The following LBX2 variants were observed in gnomAD, a reference collection of about 807,000 sequenced individuals.
LBX2 encodes the protein transcription factor LBX2.
In LBX2, 6 loss-of-function variants were observed where a neutral mutation model predicts 7.5. The observed-to-expected ratio is 0.80, with a 90% CI of 0.44 to 1.59. The LOEUF is 1.59. LBX2 is among the 40% of genes most tolerant of loss of function. The probability of loss-of-function intolerance (pLI) is 0.01; values close to 1 mark genes in which losing one functional copy is unlikely to be tolerated. For missense variants in LBX2, 281 were observed against 282.0 expected, an observed-to-expected ratio of 1.00 and a Z score of 0.03; for synonymous variants, 143 against 133.2, an observed-to-expected ratio of 1.07 and a Z score of -0.51.
In LBX2 at chr2:74,498,300, GCGTCCGGACCTGCC is replaced by G. The variant is rs774409382; in HGVS notation, c.210_223del (p.Asp74TrpfsTer106). On this transcript the variant is annotated frameshift_variant, in exon 2 of 2. Coordinates refer to ENST00000377566, the MANE Select transcript of LBX2 (RefSeq NM_001282430.2). LOFTEE classifies it low-confidence loss of function (END_TRUNC). ...GCGGCCGAAGGGACCAGGGCCCAGC[GCGTCCGGACCTGCC>G]CGCCCTGTAGGGATAGGGAGGGGGT... is the stretch of plus-strand genomic sequence containing the variant. The G allele has an allele frequency of 1.9e-6, 3 of 1,554,428 alleles. No homozygotes were observed. In the African/African-American group the frequency reaches 4.0e-5, roughly 21 times the overall value.
rs1163912738 is a variant in LBX2 at position 74,497,582 on chromosome 2, C to CCT, written c.*343_*344dup. On this transcript the variant is annotated 3_prime_UTR_variant, in exon 2 of 2. Coordinates refer to ENST00000377566, the MANE Select transcript of LBX2 (RefSeq NM_001282430.2). ...TAGCCTGGACAACATAGCGGGACCT[C>CCT]CTCTCTAAAAAAAAAAGTTTTTTAA... The CCT allele has an allele frequency of 4.7e-6, 1 of 213,212 alleles. No individual in the cohort carries two copies. The highest frequency in any genetic ancestry group is 2.3e-5 in the African/African-American group (1 of 43,494). 13.2% of individuals were successfully genotyped at this position (213,212 alleles called of 1,614,324 possible). A position where few individuals can be genotyped will look rare whatever the true frequency, so the allele number is the denominator to read the frequency against.
At position 74,499,109 on chromosome 2, in the gene LBX2, C is replaced by T. The variant is rs1010261271; in HGVS notation, c.205+224G>A. 5.0e-6 allele frequency: 3 copies of T among 596,526 alleles called. No individual in the cohort carries two copies. Among genetic ancestry groups the T allele is most frequent in the African/African-American group, 3.7e-5 (2 of 53,774 alleles). The allele number at this position is 596,526 out of a possible 1,614,324, so 37.0% of individuals were successfully genotyped here. On this transcript the variant is annotated intron_variant, in intron 1 of 1. Coordinates refer to ENST00000377566, the MANE Select transcript of LBX2 (RefSeq NM_001282430.2). The surrounding 1 kb of genome is among the most constrained non-coding windows in gnomAD (Gnocchi z 4.6). ...AGGTCGCTCAGTTGGCGACGGTCTG[C>T]CCTTTTCCCTTGGCACTGGCGGCCT...
At chr2:74,499,738 G>T, upstream of LBX2, 1 of 615,186 alleles carries the variant, frequency 1.6e-6, no homozygotes, top group Non-Finnish European at 2.8e-6. This position sits in a 1 kb window ranked among gnomAD's most constrained non-coding sequence, Gnocchi z 4.6. Context: ...GATGTCCGGG[G>T]AGGGTATTTC....
At chr2:74,498,635 T>C (rs1270656531) in intron 1 of LBX2, 1 of 389,700 alleles carries the variant, frequency 2.6e-6, no homozygotes, top group Non-Finnish European at 4.6e-6. Context: ...TTGAGGCTTT[T>C]AGGAGCCTCA....
chr2:74,502,895 G>A (rs752240193), upstream of LBX2: 1 of 1,556,652 alleles, frequency 6.4e-7, no homozygotes, highest in Admixed American at 1.8e-5. The surrounding 1 kb of genome is among the most constrained non-coding windows in gnomAD (Gnocchi z 5.4). Context: ...CTGAGAGAGG[G>A]ACCCGTCCTC....
At position 74,498,302 on chromosome 2, in the gene LBX2, G is replaced by A. The variant is rs1390538772; in HGVS notation, c.222C>T (p.Asp74=). 3 of 1,549,336 alleles carry A rather than the reference G, an allele frequency of 1.9e-6. No individual in the cohort carries two copies. Among genetic ancestry groups the A allele is most frequent in the Non-Finnish European group, 1.7e-6 (2 of 1,150,774 alleles). ...LQPSEGRAGP[D]ALGPGPFGRK... ...GGCCGAAGGGACCAGGGCCCAGCGC[G>A]TCCGGACCTGCCCGCCCTGTAGGGA... The change falls in exon 2 of 2, where the codon GAC becomes GAT. Residue 74 remains aspartate (D), a synonymous_variant. Transcript: ENST00000377566.
chr2:74,499,714 ATCTG>A, upstream of LBX2: 2 of 645,838 alleles, frequency 3.1e-6, no homozygotes, highest in Non-Finnish European at 2.6e-6. This position sits in a 1 kb window ranked among gnomAD's most constrained non-coding sequence, Gnocchi z 4.6. Flanking sequence ...GCCGCGGTGG[ATCTG>A]GAGCTCCTAG....
chr2:74,501,549 C>T (rs1380408764), upstream of LBX2: 2 of 152,266 alleles, frequency 1.3e-5, no homozygotes, highest in Non-Finnish European at 2.9e-5. Flanking sequence ...CCTCACAGCC[C>T]CTTCCATCTC....
At chr2:74,499,725 C>T (rs1558592095), upstream of LBX2, 1 of 627,772 alleles carries the variant, frequency 1.6e-6, no homozygotes, top group Non-Finnish European at 2.8e-6. The surrounding 1 kb of genome is among the most constrained non-coding windows in gnomAD (Gnocchi z 4.6). Flanking sequence ...TCTGGAGCTC[C>T]TAGATGTCCG....
upstream of LBX2, chr2:74,499,656 C>T (rs1343921769): frequency 1.8e-6 from 2 of 1,114,700 alleles, no homozygotes; most frequent in Non-Finnish European, 2.5e-6. The surrounding 1 kb of genome is among the most constrained non-coding windows in gnomAD (Gnocchi z 4.6). Flanking sequence ...GGCTCTGGGC[C>T]CGAGTCCCGT....
upstream of LBX2, chr2:74,502,584 G>A: frequency 7.1e-7 from 1 of 1,407,336 alleles, no homozygotes; most frequent in Non-Finnish European, 9.9e-7. This position sits in a 1 kb window ranked among gnomAD's most constrained non-coding sequence, Gnocchi z 5.4. Flanking sequence ...GCTTCCGTCC[G>A]TCCCGCACAC....
upstream of LBX2, among the ~76,000 whole-genome samples, chr2:74,499,909 C>G (rs890014367): frequency 3.9e-5 from 6 of 152,188 alleles, no homozygotes; most frequent in Non-Finnish European, 7.4e-5. The surrounding 1 kb of genome is among the most constrained non-coding windows in gnomAD (Gnocchi z 4.6). Context: ...AGCCGCCGCT[C>G]CGGCTCATAA....
At chr2:74,498,354 C>G in intron 1 of LBX2, 36 bp from the exon 2 acceptor site, 1 of 1,452,062 alleles carries the variant, frequency 6.9e-7, no homozygotes, top group Non-Finnish European at 9.0e-7. Flanking sequence ...TTCCAGCCTC[C>G]GGGAATCAGG....
rs1245831210 is a variant in LBX2 at position 74,499,570 on chromosome 2, T to C, written c.-33A>G. The stretch of plus-strand genomic sequence containing the variant: ...CGGGCTGGGGCGGTCCGGCTGTCCG[T>C]TGCGCTAGGCTCCGCAAACGCCTGG... On this transcript the variant is annotated 5_prime_UTR_variant, in exon 1 of 2. Coordinates refer to ENST00000377566, the MANE Select transcript of LBX2 (RefSeq NM_001282430.2). The surrounding 1 kb of genome is among the most constrained non-coding windows in gnomAD (Gnocchi z 4.6). 17 of 1,537,588 alleles carry C rather than the reference T, an allele frequency of 1.1e-5. No homozygotes were observed. The highest frequency in any genetic ancestry group is 1.5e-5 in the Non-Finnish European group (17 of 1,138,816).
chr2:74,499,268 G>A lies in LBX2; in HGVS notation c.205+65C>T, dbSNP rs943769817. On this transcript the variant is annotated intron_variant, in intron 1 of 1. Transcript: ENST00000377566. The surrounding 1 kb of genome is among the most constrained non-coding windows in gnomAD (Gnocchi z 4.6). Reference sequence around the variant, plus strand: ...GGGCTGGGACAAAGGTTTGAGACGGGGAACCAGGAGGAGAGAGGTGAGGAA... The same window carrying A: ...GGGCTGGGACAAAGGTTTGAGACGGAGAACCAGGAGGAGAGAGGTGAGGAA... 1 of 1,398,348 alleles carries A rather than the reference G, an allele frequency of 7.2e-7. No homozygotes were observed. The highest frequency in any genetic ancestry group is 1.4e-5 in the African/African-American group (1 of 70,106). The allele number at this position is 1,398,348 out of a possible 1,614,324, so 86.6% of individuals were successfully genotyped here.
Position 74,499,408 on chromosome 2 carries a change from G to A in LBX2, c.130C>T (p.Pro44Ser), listed in dbSNP as rs1449291216. The change falls in exon 1 of 2, where the codon CCG becomes TCG. Residue 44 changes from proline to serine, a missense_variant. Transcript: ENST00000377566. The surrounding 1 kb of genome is among the most constrained non-coding windows in gnomAD (Gnocchi z 4.6). ...LPESGPGPTSPLCALEELTSK... is the reference protein window; with the variant it reads ...LPESGPGPTSSLCALEELTSK... ...GTCAGCTCCTCCAGCGCGCACAGCG[G>A]CGACGTTGGACCCGGACCCGACTCT... The A allele has an allele frequency of 1.1e-5, 17 of 1,550,524 alleles. No individual in the cohort carries two copies. Among genetic ancestry groups the A allele is most frequent in the Admixed American group, 3.9e-5 (2 of 50,990 alleles).
upstream of LBX2, chr2:74,502,998 G>A (rs1674529874): frequency 5.5e-6 from 4 of 722,336 alleles, no homozygotes; most frequent in Non-Finnish European, 8.8e-6. The surrounding 1 kb of genome is among the most constrained non-coding windows in gnomAD (Gnocchi z 5.4). Context: ...GCAGGGGCAA[G>A]GTTTGGCCCT....
chr2:74,499,273 CAGG>C lies in LBX2; in HGVS notation c.205+57_205+59del. The C allele has an allele frequency of 7.0e-7, 1 of 1,419,736 alleles. No individual in the cohort carries two copies. Among genetic ancestry groups the C allele is most frequent in the African/African-American group, 1.4e-5 (1 of 70,562 alleles). The allele number at this position is 1,419,736 out of a possible 1,614,324, so 87.9% of individuals were successfully genotyped here. ...GGGACAAAGGTTTGAGACGGGGAAC[CAGG>C]AGGAGAGAGGTGAGGAAAAGGCTAA... On this transcript the variant is annotated intron_variant, in intron 1 of 1. Transcript: ENST00000377566. This position sits in a 1 kb window ranked among gnomAD's most constrained non-coding sequence, Gnocchi z 4.6.
Position 74,497,960 on chromosome 2 carries a change from G to T in LBX2, c.564C>A (p.His188Gln). 2 of 1,598,182 alleles carry T rather than the reference G, an allele frequency of 1.3e-6. No homozygotes were observed. Among genetic ancestry groups the T allele is most frequent in the Non-Finnish European group, 1.7e-6 (2 of 1,170,214 alleles). Reference sequence around the variant, plus strand: ...CCACCTGTATCTCCTCGTCTGACAGGTGGGGCCGGGAGTCAGGGCCGGCAG... The same window carrying T: ...CCACCTGTATCTCCTCGTCTGACAGTTGGGGCCGGGAGTCAGGGCCGGCAG... ...LGPAGPDSRP[H>Q]LSDEEIQVDD The change falls in exon 2 of 2, where the codon CAC (histidine) becomes CAA (glutamine). Residue 188 changes from histidine to glutamine, a missense_variant. This residue lies in a region of LBX2 where 59 missense variants were observed against 52.9 expected (regional missense o/e 1.11). Transcript: ENST00000377566.
Sources: gnomAD v4.1 joint callset for allele counts (sites outside exome capture counted in the v4.1 genomes callset) on GRCh38, gnomAD v4.1.1 for gene constraint, gnomAD v4.1.1 regional missense constraint, Gnocchi (gnomAD v3.1) non-coding constraint, MANE v1.5 for transcripts, NCBI Gene and HGNC (gene_info 2026-07-23, HGNC 2026-07-21) for gene names.